LRRTM4: variants seen among roughly 807,000 people sequenced by gnomAD.
The protein encoded by LRRTM4 is leucine rich repeat transmembrane neuronal 4.
A neutral mutation model predicts 47.6 loss-of-function variants in LRRTM4; 25 were observed. That is an observed-to-expected ratio of 0.53 (90% CI 0.38 to 0.73). LRRTM4 has a LOEUF of 0.73. Among genes scored for constraint, LRRTM4 ranks in the 30% least tolerant of loss-of-function variants. LRRTM4 has a pLI of 0.00. For synonymous variants in LRRTM4, 311 were observed against 269.5 expected, an observed-to-expected ratio of 1.15 and a Z score of -1.51; for missense variants, 638 against 713.4, an observed-to-expected ratio of 0.89 and a Z score of 1.20.
intron 3 of LRRTM4, among the ~76,000 whole-genome samples, chr2:77,508,030 G>C (rs1246383360): frequency 6.6e-6 from 1 of 152,052 alleles, no homozygotes; most frequent in Admixed American, 6.6e-5. Context: ...GTGAACAGAA[G>C]TCTAATTTGA....
chr2:76,806,013 G>A (rs1675947391), intron 3 of LRRTM4, among the ~76,000 whole-genome samples: 1 of 152,120 alleles, frequency 6.6e-6, no homozygotes, highest in South Asian at 2.1e-4. Context: ...ACCTGATATT[G>A]TTGGGGGCCA....
chr2:77,152,098 T>C (rs1385159718), intron 3 of LRRTM4, among the ~76,000 whole-genome samples: 1 of 152,198 alleles, frequency 6.6e-6, no homozygotes, highest in Non-Finnish European at 1.5e-5. Context: ...ACTGGCTTTA[T>C]GCCACCTTCA....
At chr2:76,750,292 A>G (rs1051524369) in intron 3 of LRRTM4, among the ~76,000 whole-genome samples, 3 of 152,146 alleles carry the variant, frequency 2.0e-5, no homozygotes, top group African/African-American at 7.2e-5. Context: ...AGCACCAGAG[A>G]GATTTGAGGT....
At chr2:76,979,395 T>C (rs1424861847) in intron 3 of LRRTM4, among the ~76,000 whole-genome samples, 6 of 151,894 alleles carry the variant, frequency 4.0e-5, no homozygotes, top group Non-Finnish European at 8.8e-5. Context: ...GGGACCTTCA[T>C]TGCATGTGAC....
chr2:77,436,371 A>G (rs1675600470), intron 3 of LRRTM4, among the ~76,000 whole-genome samples: 1 of 152,086 alleles, frequency 6.6e-6, no homozygotes, highest in African/African-American at 2.4e-5. Context: ...TTGAATAGCA[A>G]TGCTAAGGTT....
chr2:77,042,432 T>C (rs984772334), intron 3 of LRRTM4, among the ~76,000 whole-genome samples: 1 of 151,566 alleles, frequency 6.6e-6, no homozygotes. Flanking sequence ...TTTTAAAAAG[T>C]TATTGAGATT....
At chr2:77,055,363 A>C (rs75580345) in intron 3 of LRRTM4, among the ~76,000 whole-genome samples, 4,374 of 152,278 alleles carry the variant, frequency 0.029, 160 homozygotes, top group African/African-American at 0.091. Context: ...CTTCTTGTTT[A>C]AACAGCTAAC....
chr2:77,137,587 T>G (rs1671983907), intron 3 of LRRTM4, among the ~76,000 whole-genome samples: 1 of 152,066 alleles, frequency 6.6e-6, no homozygotes, highest in Admixed American at 6.6e-5. Flanking sequence ...AATAACCAGC[T>G]AACATCATAA....
intron 3 of LRRTM4, among the ~76,000 whole-genome samples, chr2:77,090,634 T>A (rs898490890): frequency 5.3e-5 from 8 of 151,876 alleles, no homozygotes. Flanking sequence ...CAGAACCTCC[T>A]CCCCCAGGAG....
chr2:76,831,167 T>C (rs1055748766), intron 3 of LRRTM4, among the ~76,000 whole-genome samples: 2 of 152,106 alleles, frequency 1.3e-5, no homozygotes, highest in African/African-American at 2.4e-5. Flanking sequence ...ATATAATGAA[T>C]TCTGAGTGTA....
chr2:77,241,537 C>T (rs577188475), intron 3 of LRRTM4, among the ~76,000 whole-genome samples: 6 of 151,834 alleles, frequency 4.0e-5, no homozygotes, highest in Non-Finnish European at 7.4e-5. Context: ...CAAAACAGTT[C>T]ATATTTAGTA....
chr2:76,819,091 C>T (rs867638780), intron 3 of LRRTM4, among the ~76,000 whole-genome samples: 4 of 151,550 alleles, frequency 2.6e-5, no homozygotes, highest in Non-Finnish European at 3.0e-5. Flanking sequence ...ATTACTTTCC[C>T]GACAAATGAG....
rs370541848 is a variant in LRRTM4, at chr2:76,977,216, CT to C, written c.1552-228301del. On this transcript the variant is annotated intron_variant, in intron 3 of 3. Transcript: ENST00000409884. ...AATCTTAATGACATCAGCAACCATC[CT>C]TTTTTACAAGACACCTGGATATTAT... Among the ~76,000 whole-genome samples, 2 of 151,406 alleles carry C rather than the reference CT, an allele frequency of 1.3e-5. 1 individual carries two copies. Among genetic ancestry groups the C allele is most frequent in the South Asian group, 4.2e-4 (2 of 4,798 alleles).
intron 3 of LRRTM4, among the ~76,000 whole-genome samples, chr2:76,783,824 T>C (rs1674523510): frequency 6.6e-6 from 1 of 152,092 alleles, no homozygotes; most frequent in Non-Finnish European, 1.5e-5. Context: ...CAGTGCCGTA[T>C]ATTTTAATTG....
chr2:76,858,539 A>C (rs1324028754), intron 3 of LRRTM4, among the ~76,000 whole-genome samples: 1 of 152,158 alleles, frequency 6.6e-6, no homozygotes, highest in African/African-American at 2.4e-5. Flanking sequence ...GGGGAACTGA[A>C]ATATGCAATG....
intron 3 of LRRTM4, among the ~76,000 whole-genome samples, chr2:77,236,046 T>C (rs1675095405): frequency 6.6e-6 from 1 of 152,186 alleles, no homozygotes; most frequent in African/African-American, 2.4e-5. Flanking sequence ...TTTTTTCTAA[T>C]TTTGTGAAAA....
At chr2:76,979,076 G>T (rs1467236202) in intron 3 of LRRTM4, among the ~76,000 whole-genome samples, 3 of 151,972 alleles carry the variant, frequency 2.0e-5, no homozygotes, top group Admixed American at 6.6e-5. Context: ...GATGCTAAGT[G>T]GTCAATGAGG....
At chr2:76,793,911 T>C (rs536765141) in intron 3 of LRRTM4, among the ~76,000 whole-genome samples, 1 of 152,294 alleles carries the variant, frequency 6.6e-6, no homozygotes, top group South Asian at 2.1e-4. Flanking sequence ...GGGACAGTAA[T>C]TGCTTCTATG....
intron 3 of LRRTM4, among the ~76,000 whole-genome samples, chr2:77,279,698 G>A (rs1445235147): frequency 1.3e-5 from 2 of 151,756 alleles, no homozygotes; most frequent in Non-Finnish European, 2.9e-5. Flanking sequence ...ATAAAAATTA[G>A]ACTAATATAA....
Sources: allele counts gnomAD v4.1 joint callset (sites outside exome capture counted in the v4.1 genomes callset), GRCh38; gene constraint gnomAD v4.1.1; transcripts MANE v1.5; gene names NCBI Gene and HGNC (gene_info 2026-07-23, HGNC 2026-07-21).